ZNF804B: variants seen among roughly 807,000 people sequenced by gnomAD.
ZNF804B encodes zinc finger 804B.
Under a neutral mutation model 101.4 loss-of-function variants are expected in ZNF804B, and 80 were observed. The ratio of observed to expected loss-of-function variants is 0.79; its 90% CI spans 0.66 to 0.95. The LOEUF (loss-of-function observed/expected upper bound fraction) is 0.95, where lower values mean the gene tolerates loss of function less well. ZNF804B is among the 40% of genes least tolerant of loss of function. The pLI is 0.00. For synonymous variants in ZNF804B, 622 were observed against 558.8 expected (o/e 1.11, Z -1.59); for missense variants, 1,673 against 1,561.9 (o/e 1.07, Z -1.20).
chr7:89,221,088 G>A (rs1488071409), intron 2 of ZNF804B, among the ~76,000 whole-genome samples: 1 of 151,902 alleles, frequency 6.6e-6, no homozygotes, highest in East Asian at 1.9e-4. Flanking sequence ...TGATGAGTGA[G>A]TTGAGGTACT....
At chr7:89,093,968 G>T (rs1447708456) in intron 1 of ZNF804B, among the ~76,000 whole-genome samples, 2 of 152,164 alleles carry the variant, frequency 1.3e-5, no homozygotes, top group African/African-American at 4.8e-5. Flanking sequence ...AGTTCACAGG[G>T]CTCAGAAGCC....
rs368135962 is a variant in ZNF804B at position 88,838,038 on chromosome 7, A to G, written c.108+77954A>G. Among the ~76,000 whole-genome samples, 22 of 151,912 alleles carry G rather than the reference A, an allele frequency of 1.4e-4. 1 individual carries two copies. In the East Asian group the frequency reaches 1.5e-3, roughly 11 times the overall value. On this transcript the variant is annotated intron_variant, in intron 1 of 3. Transcript: ENST00000333190. ...AAATACTGATAAATATAACTGACTT[A>G]AAAAAATCTTTGGGATTTTCAATTA...
intron 1 of ZNF804B, among the ~76,000 whole-genome samples, chr7:89,005,949 G>A (rs1788364275): frequency 6.6e-6 from 1 of 152,012 alleles, no homozygotes; most frequent in Non-Finnish European, 1.5e-5. Context: ...GGAGAAGATG[G>A]GACTAGATAC....
chr7:88,801,226 T>G (rs536676130), intron 1 of ZNF804B, among the ~76,000 whole-genome samples: 18 of 151,918 alleles, frequency 1.2e-4, no homozygotes, highest in Non-Finnish European at 2.5e-4. Flanking sequence ...GGTGTGTAGT[T>G]TGTTAAAACC....
chr7:89,114,001 C>G (rs768590602), intron 1 of ZNF804B, among the ~76,000 whole-genome samples: 1 of 151,644 alleles, frequency 6.6e-6, no homozygotes, highest in Non-Finnish European at 1.5e-5. Context: ...AAGAATTAAG[C>G]TTAAACTGGA....
intron 1 of ZNF804B, among the ~76,000 whole-genome samples, chr7:88,768,231 A>G (rs146925816): frequency 6.6e-6 from 1 of 152,316 alleles, no homozygotes; most frequent in African/African-American, 2.4e-5. Context: ...CTAGTCATTG[A>G]CTTCAATGTT....
intron 1 of ZNF804B, among the ~76,000 whole-genome samples, chr7:89,116,104 G>T (rs1467504510): frequency 1.3e-5 from 2 of 150,688 alleles, no homozygotes; most frequent in Non-Finnish European, 3.0e-5. Context: ...AGTAAAAACA[G>T]TGTTTCGCCA....
chr7:89,091,487 T>TA (rs1789885801), intron 1 of ZNF804B, among the ~76,000 whole-genome samples: 1 of 152,130 alleles, frequency 6.6e-6, no homozygotes, highest in Non-Finnish European at 1.5e-5. Context: ...GTTTTCTCGG[T>TA]AAAAGTCGAA....
At chr7:88,860,753 T>G (rs1437804643) in intron 1 of ZNF804B, among the ~76,000 whole-genome samples, 2 of 152,170 alleles carry the variant, frequency 1.3e-5, no homozygotes, top group African/African-American at 4.8e-5. Context: ...AGGCACTACA[T>G]TAACCAATGT....
At chr7:89,155,964 G>GTC (rs994430990) in intron 1 of ZNF804B, among the ~76,000 whole-genome samples, 4 of 140,952 alleles carry the variant, frequency 2.8e-5, no homozygotes, top group African/African-American at 1.1e-4. Flanking sequence ...TCCCTCCTCT[G>GTC]TCTCTCTCTC....
At chr7:89,135,837 G>GA (rs5885658) in intron 1 of ZNF804B, among the ~76,000 whole-genome samples, 132,494 of 152,028 alleles carry the variant, frequency 0.87, 57,897 homozygotes, top group African/African-American at 0.95. Flanking sequence ...TAGCTTAGAT[G>GA]ATGTTCTATA....
At chr7:89,142,000 G>T (rs11763384) in intron 1 of ZNF804B, among the ~76,000 whole-genome samples, 40,266 of 151,500 alleles carry the variant, frequency 0.27, 5,386 homozygotes, top group Admixed American at 0.32. Context: ...CTAAAGAATT[G>T]AGGGTCCTGA....
intron 1 of ZNF804B, among the ~76,000 whole-genome samples, chr7:88,879,518 GT>G (rs2115904143): frequency 6.6e-6 from 1 of 152,250 alleles, no homozygotes; most frequent in African/African-American, 2.4e-5. Context: ...GAGAATATGT[GT>G]GGGAGATCAT....
intron 1 of ZNF804B, among the ~76,000 whole-genome samples, chr7:89,194,392 C>T (rs1424169899): frequency 6.6e-6 from 1 of 150,662 alleles, no homozygotes; most frequent in Non-Finnish European, 1.5e-5. Context: ...TTGCCCATGC[C>T]TATGTCCTGA....
intron 1 of ZNF804B, among the ~76,000 whole-genome samples, chr7:88,927,466 TGA>T (rs1178124137): frequency 6.6e-6 from 1 of 152,194 alleles, no homozygotes; most frequent in African/African-American, 2.4e-5. Flanking sequence ...ATGCTCAGTC[TGA>T]GTTGTAATTT....
intron 1 of ZNF804B, among the ~76,000 whole-genome samples, chr7:88,951,113 A>C (rs1431190963): frequency 1.3e-5 from 2 of 151,848 alleles, no homozygotes; most frequent in Non-Finnish European, 2.9e-5. Context: ...CCAAATAAGA[A>C]ATATTTGGAG....
At chr7:89,048,158 C>T (rs1006485374) in intron 1 of ZNF804B, among the ~76,000 whole-genome samples, 1 of 151,756 alleles carries the variant, frequency 6.6e-6, no homozygotes, top group Non-Finnish European at 1.5e-5. Flanking sequence ...TTTGCATCCT[C>T]ATAGCTTAGC....
At chr7:89,271,877 C>T (rs552165049) in intron 2 of ZNF804B, among the ~76,000 whole-genome samples, 31 of 152,136 alleles carry the variant, frequency 2.0e-4, no homozygotes, top group African/African-American at 7.0e-4. Context: ...TTAGTATTCT[C>T]TAATGGTAGT....
intron 1 of ZNF804B, among the ~76,000 whole-genome samples, chr7:88,854,398 T>TCTTTCTTTCTTCCTTTCTTTCTTTCTTC (rs1562812503): frequency 7.4e-6 from 1 of 134,880 alleles, no homozygotes; most frequent in Non-Finnish European, 1.5e-5. Context: ...TTTCTTTCTT[T>TCTTTCTTTCTTCCTTTCTTTCTTTCTTC]CTTTCTTTCT....
Sources: gnomAD v4.1 joint callset for allele counts (sites outside exome capture counted in the v4.1 genomes callset) on GRCh38, gnomAD v4.1.1 for gene constraint, MANE v1.5 for transcripts, NCBI Gene and HGNC (gene_info 2026-07-23, HGNC 2026-07-21) for gene names.